RUVBL1: variants seen among roughly 807,000 people sequenced by gnomAD.
RUVBL1 encodes the protein RuvB like AAA ATPase 1, also known as ruvB-like 1.
RUVBL1 carries 4 observed loss-of-function variants against 52.4 expected under a neutral mutation model. That is an observed-to-expected ratio of 0.08 (90% CI 0.04 to 0.17). The LOEUF is 0.17. Ranked by LOEUF, RUVBL1 falls within the 10% of genes least tolerant of loss-of-function variation. RUVBL1 has a pLI of 1.00. For synonymous variants in RUVBL1, 217 were observed against 214.4 expected, an observed-to-expected ratio of 1.01 and a Z score of -0.10; for missense variants, 298 against 572.8, an observed-to-expected ratio of 0.52 and a Z score of 4.90.
chr3:128,078,929 G>A (rs768548403), downstream of RUVBL1: 4 of 152,238 alleles, frequency 2.6e-5, no homozygotes, highest in Non-Finnish European at 4.4e-5. Flanking sequence ...ACAGACCAGC[G>A]AACTGGGCCA....
intron 3 of RUVBL1, among the ~76,000 whole-genome samples, chr3:128,110,668 T>C (rs1376014064): frequency 3.9e-5 from 6 of 152,136 alleles, no homozygotes; most frequent in Non-Finnish European, 1.5e-5. Context: ...ATAATCTCTC[T>C]GGTTTAGAAA....
chr3:128,128,125 TGGGCATGCG>T (rs1296670437), upstream of RUVBL1, among the ~76,000 whole-genome samples: 3 of 152,144 alleles, frequency 2.0e-5, no homozygotes, highest in African/African-American at 7.2e-5. Flanking sequence ...CCCGAGTAGC[TGGGCATGCG>T]CCACCACACC....
chr3:128,098,985 G>A (rs748779597), intron 6 of RUVBL1, 40 bp from the exon 7 acceptor site: 2 of 1,560,978 alleles, frequency 1.3e-6, no homozygotes, highest in Admixed American at 1.7e-5. Flanking sequence ...TGCTTTCTAA[G>A]GTGACTACAG....
intron 1 of RUVBL1, 145 bp from the exon 2 acceptor site, chr3:128,119,559 G>A (rs183795531): frequency 3.7e-5 from 22 of 598,158 alleles, no homozygotes; most frequent in South Asian, 1.2e-4. Flanking sequence ...TCTAGGTGCC[G>A]AGGGTAACGA....
downstream of RUVBL1, among the ~76,000 whole-genome samples, chr3:128,079,615 G>A (rs146177919): frequency 2.2e-4 from 33 of 152,326 alleles, no homozygotes; most frequent in African/African-American, 7.0e-4. Context: ...TGGGCCACAT[G>A]CACAGCTGAC....
At chr3:128,085,397 G>C (rs1404622777) in intron 9 of RUVBL1, among the ~76,000 whole-genome samples, 1 of 152,232 alleles carries the variant, frequency 6.6e-6, no homozygotes, top group Non-Finnish European at 1.5e-5. Context: ...GGACCCAACA[G>C]TAAGGTGCTA....
At chr3:128,073,097 CA>C (rs757119721) in intron 9 of RUVBL1, among the ~76,000 whole-genome samples, 4 of 152,148 alleles carry the variant, frequency 2.6e-5, no homozygotes, top group Non-Finnish European at 4.4e-5. Context: ...GCTCCCGAGC[CA>C]GGACAAAAAG....
chr3:128,097,588 C>G, intron 7 of RUVBL1, 90 bp from the exon 8 acceptor site: 2 of 1,181,814 alleles, frequency 1.7e-6, no homozygotes, highest in Non-Finnish European at 2.5e-6. Context: ...AATCCAAACC[C>G]ATGCTAGGAG....
intron 1 of RUVBL1, among the ~76,000 whole-genome samples, chr3:128,135,785 G>A (rs369430453): frequency 2.6e-5 from 4 of 152,158 alleles, no homozygotes; most frequent in South Asian, 2.1e-4. Flanking sequence ...GTAATAGTAC[G>A]TACACAGACA....
downstream of RUVBL1, among the ~76,000 whole-genome samples, chr3:128,080,379 A>G (rs1014214109): frequency 3.3e-5 from 5 of 152,238 alleles, no homozygotes; most frequent in African/African-American, 1.2e-4. Flanking sequence ...TGTGGGCTGC[A>G]TATAGTGACT....
At position 128,082,385 on chromosome 3, in the gene RUVBL1, T is replaced by A; in HGVS notation, c.1211+98A>T. On this transcript the variant is annotated intron_variant, in intron 10 of 10. Coordinates refer to ENST00000322623, the MANE Select transcript of RUVBL1 (RefSeq NM_003707.3). The surrounding 1 kb of genome is among the most constrained non-coding windows in gnomAD (Gnocchi z 4.7). ...GGAAGAGCGGATGGATAGAGTCCCA[T>A]GCCCTAGGAAGGGACCTGCCTTTAT... 1.1e-6 allele frequency: 1 copy of A among 883,196 alleles called. No individual in the cohort carries two copies. The highest frequency in any genetic ancestry group is 2.4e-5 in the East Asian group (1 of 41,280). 54.7% of individuals were successfully genotyped at this position (883,196 alleles called of 1,614,324 possible).
chr3:128,138,112 C>T (rs1943973005), intron 1 of RUVBL1, among the ~76,000 whole-genome samples: 1 of 152,158 alleles, frequency 6.6e-6, no homozygotes, highest in Non-Finnish European at 1.5e-5. Flanking sequence ...AACTGAAAGC[C>T]TTTCCCCTAT....
chr3:128,078,661 A>C (rs1323378750), downstream of RUVBL1: 2 of 143,996 alleles, frequency 1.4e-5, no homozygotes, highest in Non-Finnish European at 3.1e-5. Flanking sequence ...AAATAGTGCA[A>C]AAAATGAGGC....
At chr3:128,130,498 T>G (rs1943856285) in intron 1 of RUVBL1, among the ~76,000 whole-genome samples, 1 of 150,788 alleles carries the variant, frequency 6.6e-6, no homozygotes, top group African/African-American at 2.4e-5. Context: ...CAATGGCTCA[T>G]GCCTGTAACC....
intron 1 of RUVBL1, among the ~76,000 whole-genome samples, chr3:128,131,942 T>C (rs1048059549): frequency 3.3e-5 from 5 of 152,070 alleles, no homozygotes; most frequent in Admixed American, 1.3e-4. Context: ...AAAAATCAGG[T>C]GAGCAGTCAC....
chr3:128,149,687 A>G (rs1944157255), intron 1 of RUVBL1, among the ~76,000 whole-genome samples: 1 of 152,180 alleles, frequency 6.6e-6, no homozygotes, highest in Admixed American at 6.5e-5. Context: ...TGTCTGGAGG[A>G]AGGAGTGAGT....
chr3:128,080,709 G>A (rs1020483605), downstream of RUVBL1, among the ~76,000 whole-genome samples: 2 of 152,218 alleles, frequency 1.3e-5, no homozygotes, highest in Non-Finnish European at 2.9e-5. Flanking sequence ...CTAAGAAGAT[G>A]TCACAGCCAA....
chr3:128,067,632 T>C lies in RUVBL1; in HGVS notation c.940-2412A>G, dbSNP rs1942022096. The C allele has an allele frequency of 6.3e-7, 1 of 1,585,656 alleles. No individual in the cohort carries two copies. Among genetic ancestry groups the C allele is most frequent in the Non-Finnish European group, 8.6e-7 (1 of 1,160,320 alleles). On this transcript the variant is annotated intron_variant, in intron 9 of 9. Coordinates refer to the RUVBL1 transcript ENST00000464873. This position sits in a 1 kb window ranked among gnomAD's most constrained non-coding sequence, Gnocchi z 4.1. ...AAAGATGTAAGTAGAAGCAAAACTTTCTGGAAGGGTGATGAAAGTGTGACT... is the reference window on the plus strand; with the variant it reads ...AAAGATGTAAGTAGAAGCAAAACTTCCTGGAAGGGTGATGAAAGTGTGACT...
intron 1 of RUVBL1, among the ~76,000 whole-genome samples, chr3:128,134,932 G>A (rs1230521932): frequency 6.6e-6 from 1 of 152,042 alleles, no homozygotes. Context: ...GGCCTTAAAA[G>A]AAAGTAGAAA....
Sources: allele counts gnomAD v4.1 joint callset (sites outside exome capture counted in the v4.1 genomes callset), GRCh38; gene constraint gnomAD v4.1.1; non-coding constraint Gnocchi (gnomAD v3.1); transcripts MANE v1.5; gene names NCBI Gene and HGNC (gene_info 2026-07-23, HGNC 2026-07-21).